The following CLIP1 variants were observed in gnomAD, a reference collection of about 807,000 sequenced individuals.
The protein encoded by CLIP1 is CAP-Gly domain containing linker protein 1.
CLIP1 carries 66 observed loss-of-function variants against 161.6 expected under a neutral mutation model. That is an observed-to-expected ratio of 0.41 (90% CI 0.33 to 0.50). CLIP1 has a LOEUF of 0.50. CLIP1 is among the 20% of genes least tolerant of loss of function. The pLI, the probability that CLIP1 is intolerant of heterozygous loss-of-function variation, is 0.27. For synonymous variants in CLIP1, 598 were observed against 626.2 expected, an observed-to-expected ratio of 0.96 and a Z score of 0.67; for missense variants, 1,376 against 1,702.0, an observed-to-expected ratio of 0.81 and a Z score of 3.37.
rs1951289071 is a variant in CLIP1, at chr12:122,316,773, T to G, written c.3449A>C (p.Lys1150Thr). Residue 1150 changes from lysine to threonine, a missense_variant, in exon 19 of 26, where the codon AAA (lysine) becomes ACA (threonine). Coordinates refer to ENST00000620786, the MANE Select transcript of CLIP1 (RefSeq NM_001247997.2). ...CATTTCTTTCCTAAATTCTTCCATT[T>G]TTTGATTCTCTACAGTCAGGAGTTC... The part of the protein sequence containing the change: ...SKELLTVENQ[K>T]MEEFRKEIET... 4 of 1,578,674 alleles carry G rather than the reference T, an allele frequency of 2.5e-6. No homozygotes were observed. Among genetic ancestry groups the G allele is most frequent in the Non-Finnish European group, 3.4e-6 (4 of 1,166,430 alleles).
At chr12:122,283,184 A>G (rs1955714557) in intron 21 of CLIP1, among the ~76,000 whole-genome samples, 1 of 152,202 alleles carries the variant, frequency 6.6e-6, no homozygotes, top group African/African-American at 2.4e-5. Context: ...TCAGAGGCAC[A>G]GATGAACAAA....
At chr12:122,334,587 G>A (rs372548603) in intron 13 of CLIP1, 61 bp downstream of exon 13, 5 of 1,132,262 alleles carry the variant, frequency 4.4e-6, no homozygotes, top group Non-Finnish European at 5.2e-6. Flanking sequence ...CCACAGGTCA[G>A]CTCCAGTATG....
chr12:122,278,380 C>T, intron 23 of CLIP1, 177 bp from the exon 24 acceptor site: 1 of 632,602 alleles, frequency 1.6e-6, no homozygotes, highest in Admixed American at 2.9e-5. Context: ...CGGGACCCTA[C>T]AGGGTCTCAC....
chr12:122,402,612 C>T (rs773962079), intron 1 of CLIP1, among the ~76,000 whole-genome samples: 1 of 152,196 alleles, frequency 6.6e-6, no homozygotes, highest in Non-Finnish European at 1.5e-5. Flanking sequence ...CCCATCTCTA[C>T]TAAAAATATA....
chr12:122,330,631 G>A (rs1195465795), intron 15 of CLIP1, among the ~76,000 whole-genome samples: 1 of 107,244 alleles, frequency 9.3e-6, no homozygotes, highest in African/African-American at 5.0e-5. Context: ...ATGGAGTCTC[G>A]CACTGTTGCC....
intron 3 of CLIP1, among the ~76,000 whole-genome samples, chr12:122,374,613 G>A (rs1954626242): frequency 6.6e-6 from 1 of 152,010 alleles, no homozygotes; most frequent in Admixed American, 6.6e-5. Context: ...AATACAAAAA[G>A]TAGCTGGGCA....
intron 1 of CLIP1, among the ~76,000 whole-genome samples, chr12:122,411,949 TAA>T (rs753978876): frequency 1.1e-4 from 17 of 152,136 alleles, no homozygotes; most frequent in Non-Finnish European, 2.1e-4. Context: ...TTGTATACTT[TAA>T]GTTACTAAAC....
At chr12:122,405,430 C>T (rs531350248) in intron 1 of CLIP1, among the ~76,000 whole-genome samples, 21 of 152,190 alleles carry the variant, frequency 1.4e-4, no homozygotes, top group African/African-American at 4.8e-4. Context: ...GCTTCATACA[C>T]GATATATTAT....
chr12:122,293,080 C>A (rs78148871), intron 20 of CLIP1, among the ~76,000 whole-genome samples: 14,693 of 149,146 alleles, frequency 0.099, 2,383 homozygotes, highest in African/African-American at 0.34. Flanking sequence ...CAAAACACAA[C>A]CCAATAAAGA....
At chr12:122,287,505 C>A (rs1592979053) in intron 21 of CLIP1, among the ~76,000 whole-genome samples, 2 of 152,152 alleles carry the variant, frequency 1.3e-5, no homozygotes, top group East Asian at 3.8e-4. Context: ...GTAATATGCA[C>A]CCATTCTGCA....
chr12:122,400,085 T>C (rs1446252228), intron 1 of CLIP1: 1 of 152,270 alleles, frequency 6.6e-6, no homozygotes, highest in Non-Finnish European at 1.5e-5. Flanking sequence ...ACACAGGAGA[T>C]GCAGTGTAAC....
chr12:122,354,083 T>C (rs2136469351), intron 7 of CLIP1, among the ~76,000 whole-genome samples: 1 of 152,116 alleles, frequency 6.6e-6, no homozygotes, highest in South Asian at 2.1e-4. Context: ...ATAGGAAATT[T>C]TCTTCTGAGG....
chr12:122,290,953 CCCTA>C, intron 20 of CLIP1, among the ~76,000 whole-genome samples: 1 of 150,302 alleles, frequency 6.7e-6, no homozygotes, highest in South Asian at 2.1e-4. Flanking sequence ...AGTGCAATGG[CCCTA>C]CCTCAGCTCA....
intron 21 of CLIP1, among the ~76,000 whole-genome samples, chr12:122,281,796 C>A (rs577473337): frequency 4.6e-4 from 70 of 152,106 alleles, no homozygotes; most frequent in African/African-American, 1.6e-3. Flanking sequence ...ATTTCCAGAG[C>A]TTCACTTGCT....
chr12:122,284,970 C>T (rs1955790455), intron 21 of CLIP1, among the ~76,000 whole-genome samples: 1 of 151,988 alleles, frequency 6.6e-6, no homozygotes, highest in Admixed American at 6.6e-5. Flanking sequence ...GACAGGGTCT[C>T]ACTATGTTGC....
At chr12:122,373,451 T>C (rs752499569) in intron 3 of CLIP1, among the ~76,000 whole-genome samples, 10 of 145,716 alleles carry the variant, frequency 6.9e-5, no homozygotes, top group Admixed American at 1.4e-4. Flanking sequence ...AAAGTTAATA[T>C]GGTAAATGAA....
chr12:122,386,358 G>A (rs1416897357), intron 1 of CLIP1, among the ~76,000 whole-genome samples: 1 of 152,054 alleles, frequency 6.6e-6, no homozygotes, highest in Non-Finnish European at 1.5e-5. Context: ...CTAAAAAGAA[G>A]TATAGTCCAA....
chr12:122,315,694 G>A (rs1375267184), intron 19 of CLIP1, among the ~76,000 whole-genome samples: 1 of 149,370 alleles, frequency 6.7e-6, no homozygotes, highest in East Asian at 2.0e-4. Flanking sequence ...AGGCTGGAGT[G>A]CAGTGGCTCG....
chr12:122,299,021 C>T (rs1038532271), intron 20 of CLIP1, among the ~76,000 whole-genome samples: 3 of 152,090 alleles, frequency 2.0e-5, no homozygotes, highest in African/African-American at 7.2e-5. Context: ...TGCCTGAAGC[C>T]AATACATACA....
Sources: gnomAD v4.1 joint callset for allele counts (sites outside exome capture counted in the v4.1 genomes callset) on GRCh38, gnomAD v4.1.1 for gene constraint, MANE v1.5 for transcripts, NCBI Gene and HGNC (gene_info 2026-07-23, HGNC 2026-07-21) for gene names.